The following CABP1 variants were observed in gnomAD, a reference collection of about 807,000 sequenced individuals.
The protein encoded by CABP1 is calcium binding protein 1, also known as calcium-binding protein 1.
CABP1 carries 17 observed loss-of-function variants against 34.3 expected under a neutral mutation model. The ratio of observed to expected loss-of-function variants is 0.50; its 90% CI spans 0.34 to 0.74. The LOEUF is 0.74. Among genes scored for constraint, CABP1 ranks in the 30% least tolerant of loss-of-function variants. The pLI is 0.01. For missense variants in CABP1, 373 were observed against 511.1 expected (o/e 0.73, Z 2.61); for synonymous variants, 198 against 229.2 (o/e 0.86, Z 1.23).
Position 120,641,477 on chromosome 12 carries a change from G to T in CABP1, c.654+138G>T. 1.0e-6 allele frequency: 1 copy of T among 986,606 alleles called. No individual in the cohort carries two copies. Among genetic ancestry groups the T allele is most frequent in the Non-Finnish European group, 1.3e-6 (1 of 764,932 alleles). The allele number at this position is 986,606 out of a possible 1,614,324, so 61.1% of individuals were successfully genotyped here. A position where few individuals can be genotyped will look rare whatever the true frequency, so the allele number is the denominator to read the frequency against. ...CCTCGGCTCACCTCGTCCTCCCCGG[G>T]CCGGCGCCCTTGCCGGCACTCCTCC... is the stretch of plus-strand genomic sequence containing the variant. On this transcript the variant is annotated intron_variant, in intron 1 of 5. Transcript: ENST00000316803. This position sits in a 1 kb window ranked among gnomAD's most constrained non-coding sequence, Gnocchi z 6.7.
At chr12:120,643,238 G>A (rs954132200) in intron 1 of CABP1, among the ~76,000 whole-genome samples, 1 of 152,124 alleles carries the variant, frequency 6.6e-6, no homozygotes, top group Non-Finnish European at 1.5e-5. Context: ...TCTCAGCTGC[G>A]GGCTTTTACT....
At chr12:120,665,495 C>A (rs1344912344) in intron 5 of CABP1, among the ~76,000 whole-genome samples, 2 of 152,116 alleles carry the variant, frequency 1.3e-5, no homozygotes, top group Admixed American at 6.5e-5. Flanking sequence ...TGTCATTATA[C>A]ATTTGTCTGA....
chr12:120,674,066 C>T, the CABP1 span, among the ~76,000 whole-genome samples: 2 of 152,132 alleles, frequency 1.3e-5, no homozygotes, highest in Admixed American at 1.3e-4. Flanking sequence ...AATCTGTGGT[C>T]CCAGCTACTC....
intron 1 of CABP1, 69 bp from the exon 2 acceptor site, chr12:120,659,809 C>T: frequency 6.6e-7 from 1 of 1,515,086 alleles, no homozygotes; most frequent in Non-Finnish European, 9.1e-7. Flanking sequence ...GTGGATGGCC[C>T]CCAGGTTAGG....
At chr12:120,666,738 C>T in intron 5 of CABP1, 137 bp from the exon 6 acceptor site, 1 of 898,594 alleles carries the variant, frequency 1.1e-6, no homozygotes, top group Non-Finnish European at 1.7e-6. Context: ...CTGCTGTGTC[C>T]ATGGATTGGA....
intron 5 of CABP1, among the ~76,000 whole-genome samples, chr12:120,664,207 G>A (rs1359513121): frequency 6.6e-6 from 1 of 152,164 alleles, no homozygotes; most frequent in Admixed American, 6.5e-5. Context: ...TCTCTGCCTC[G>A]AAGAGCTCAA....
chr12:120,650,505 A>G, intron 1 of CABP1: 1 of 1,557,210 alleles, frequency 6.4e-7, no homozygotes. Flanking sequence ...GAGGGCTCAC[A>G]TCCGTCCTGG....
At chr12:120,643,552 A>T (rs1006945112) in intron 1 of CABP1, among the ~76,000 whole-genome samples, 1 of 152,176 alleles carries the variant, frequency 6.6e-6, no homozygotes, top group Non-Finnish European at 1.5e-5. Context: ...ATTTGTTTTT[A>T]ACTTAAGTGA....
In CABP1 at chr12:120,660,877, T is replaced by C; in HGVS notation, c.939+37T>C. Reference sequence around the variant, plus strand: ...AGGCAGGCAGGCATGGGGCGGCTATTGGAATCCTATCTGCAGTATAAATAC... The same window carrying C: ...AGGCAGGCAGGCATGGGGCGGCTATCGGAATCCTATCTGCAGTATAAATAC... On this transcript the variant is annotated intron_variant, in intron 4 of 5. Coordinates refer to ENST00000316803, the MANE Select transcript of CABP1 (RefSeq NM_001033677.2). This position sits in a 1 kb window ranked among gnomAD's most constrained non-coding sequence, Gnocchi z 5.0. 6.7e-7 allele frequency: 1 copy of C among 1,498,226 alleles called. No individual in the cohort carries two copies. The highest frequency in any genetic ancestry group is 9.3e-7 in the Non-Finnish European group (1 of 1,074,576). 92.8% of individuals were successfully genotyped at this position (1,498,226 alleles called of 1,614,324 possible).
the CABP1 span, among the ~76,000 whole-genome samples, chr12:120,673,353 G>A: frequency 6.6e-6 from 1 of 152,110 alleles, no homozygotes; most frequent in African/African-American, 2.4e-5. Flanking sequence ...GGGAGGCTGA[G>A]GTGGGAAGAT....
chr12:120,678,781 C>A, the CABP1 span, among the ~76,000 whole-genome samples: 321 of 152,212 alleles, frequency 2.1e-3, no homozygotes, highest in Middle Eastern at 0.017. Context: ...ATTTTAAAAA[C>A]CACATCCTGG....
intron 1 of CABP1, among the ~76,000 whole-genome samples, chr12:120,644,457 C>T (rs1172896891): frequency 6.6e-6 from 1 of 152,152 alleles, no homozygotes; most frequent in Non-Finnish European, 1.5e-5. Context: ...GGACATGCCA[C>T]CCAGCTGTCT....
At chr12:120,654,851 C>A (rs773439997) in intron 1 of CABP1, among the ~76,000 whole-genome samples, 2 of 152,158 alleles carry the variant, frequency 1.3e-5, no homozygotes, top group African/African-American at 4.8e-5. Flanking sequence ...ACCTTCAGGG[C>A]GGAGGATCGG....
downstream of CABP1, among the ~76,000 whole-genome samples, chr12:120,669,383 C>T (rs1214518563): frequency 1.3e-5 from 2 of 152,242 alleles, no homozygotes; most frequent in Non-Finnish European, 2.9e-5. Flanking sequence ...TCCAGAGTTT[C>T]ACTGTTTCAG....
At position 120,642,327 on chromosome 12, in the gene CABP1, G is replaced by A. The variant is rs190868297; in HGVS notation, c.654+988G>A. On this transcript the variant is annotated intron_variant, in intron 1 of 5. Transcript: ENST00000316803. ...GGGGGGCTGTGCCTTTCTGTGCTGA[G>A]ATCTAGCATAAAGAAGCTGTTTCAA... 8.3e-4 allele frequency among the ~76,000 whole-genome samples: 127 copies of A among 152,282 alleles called. 1 individual carries two copies. The highest frequency in any genetic ancestry group is 3.7e-3 in the Admixed American group (57 of 15,298).
intron 1 of CABP1, among the ~76,000 whole-genome samples, chr12:120,643,064 G>A (rs1218284977): frequency 2.0e-5 from 3 of 148,810 alleles, no homozygotes; most frequent in East Asian, 2.0e-4. Flanking sequence ...CCCTTTCTGA[G>A]CTCCGAGCAT....
chr12:120,646,725 C>G (rs1879552114), intron 1 of CABP1, among the ~76,000 whole-genome samples: 1 of 152,120 alleles, frequency 6.6e-6, no homozygotes, highest in Admixed American at 6.6e-5. Flanking sequence ...GTTGCCCAGG[C>G]TGGTCTTGAA....
intron 1 of CABP1, 84 bp from the exon 2 acceptor site, chr12:120,659,794 G>A: frequency 7.4e-7 from 1 of 1,342,350 alleles, no homozygotes; most frequent in Non-Finnish European, 1.1e-6. Flanking sequence ...AGTGCCTGCT[G>A]CCACGTGGAT....
downstream of CABP1, among the ~76,000 whole-genome samples, chr12:120,671,038 G>C (rs984253745): frequency 6.6e-6 from 1 of 152,160 alleles, no homozygotes; most frequent in African/African-American, 2.4e-5. Flanking sequence ...TACATAAAAG[G>C]CACCCGATTC....
Sources: allele counts gnomAD v4.1 joint callset (sites outside exome capture counted in the v4.1 genomes callset), GRCh38; gene constraint gnomAD v4.1.1; non-coding constraint Gnocchi (gnomAD v3.1); transcripts MANE v1.5; gene names NCBI Gene and HGNC (gene_info 2026-07-23, HGNC 2026-07-21).